Variants in KANK1 observed in about 807,000 individuals in gnomAD.
KANK1 encodes KN motif and ankyrin repeat domains 1, also known as KN motif and ankyrin repeat domain-containing protein 1.
A neutral mutation model predicts 106.2 loss-of-function variants in KANK1; 109 were observed. That is an observed-to-expected ratio of 1.03 (90% CI 0.88 to 1.20). KANK1 has a LOEUF of 1.20. KANK1 is among the 50% of genes most tolerant of loss of function. KANK1 has a pLI of 0.00. For synonymous variants in KANK1, 873 were observed against 652.2 expected (o/e 1.34, Z -5.16); for missense variants, 2,399 against 1,710.7 (o/e 1.40, Z -7.10).
chr9:690,523 G>T (rs1281463801), intron 2 of KANK1, among the ~76,000 whole-genome samples: 2 of 152,002 alleles, frequency 1.3e-5, no homozygotes, highest in Admixed American at 6.6e-5. Context: ...TATGTATAAG[G>T]CACCTGCAGC....
At position 742,457 on chromosome 9, in the gene KANK1, G is replaced by A. The variant is rs148917197; in HGVS notation, c.3897+52G>A. On this transcript the variant is annotated intron_variant, in intron 10 of 11. Transcript: ENST00000382297. ...GCCAGGGGTCTGGGGGACTCTGGAC[G>A]GGAGCTCTGGGAGTGCCTTTTGGCC... The A allele has an allele frequency of 7.0e-4, 989 of 1,412,856 alleles. 3 individuals carry two copies. Among genetic ancestry groups the A allele is most frequent in the African/African-American group, 1.5e-3 (107 of 70,490 alleles). 87.5% of individuals were successfully genotyped at this position (1,412,856 alleles called of 1,614,324 possible). A position where few individuals can be genotyped will look rare whatever the true frequency, so the allele number is the denominator to read the frequency against.
At chr9:511,883 G>A (rs1413777588) in intron 1 of KANK1, among the ~76,000 whole-genome samples, 6 of 152,080 alleles carry the variant, frequency 3.9e-5, no homozygotes, top group Admixed American at 3.9e-4. Flanking sequence ...GTTTTATGGT[G>A]TTTTGGATTC....
At chr9:743,493 T>G (rs570727324) in intron 10 of KANK1, among the ~76,000 whole-genome samples, 1 of 152,300 alleles carries the variant, frequency 6.6e-6, no homozygotes, top group East Asian at 1.9e-4. Context: ...TCAAAGCTTT[T>G]GAGGGGAAGG....
chr9:619,202 T>A lies in KANK1; in HGVS notation c.-83-57688T>A, dbSNP rs1212810216. 2.0e-5 allele frequency among the ~76,000 whole-genome samples: 3 copies of A among 152,324 alleles called. No individual in the cohort carries two copies. The East Asian group carries it at 5.8e-4, about 29-fold the overall frequency. On this transcript the variant is annotated intron_variant, in intron 1 of 11. Coordinates refer to ENST00000382297, the MANE Select transcript of KANK1 (RefSeq NM_015158.5). Reference sequence around the variant, plus strand: ...TAAAAGGAACAGGGGAGAGCTACAGTGCTTTTGAATTTCAGAGAGGCCTCT... The same window carrying A: ...TAAAAGGAACAGGGGAGAGCTACAGAGCTTTTGAATTTCAGAGAGGCCTCT...
At chr9:645,083 C>G (rs1346847141) in intron 1 of KANK1, among the ~76,000 whole-genome samples, 2 of 136,422 alleles carry the variant, frequency 1.5e-5, no homozygotes, top group African/African-American at 6.0e-5. Context: ...GAGATCACAC[C>G]ACTGCACTCC....
chr9:590,407 C>T (rs1824556001), intron 1 of KANK1, among the ~76,000 whole-genome samples: 1 of 152,098 alleles, frequency 6.6e-6, no homozygotes, highest in African/African-American at 2.4e-5. Context: ...TACGCTGCCT[C>T]CTCTCCATTT....
At chr9:507,228 A>T (rs1447491726) in intron 1 of KANK1, among the ~76,000 whole-genome samples, 1 of 150,980 alleles carries the variant, frequency 6.6e-6, no homozygotes, top group African/African-American at 2.4e-5. Context: ...TGGCACATGC[A>T]CCTGTAGTCC....
chr9:666,242 T>C (rs1356677785), intron 1 of KANK1, among the ~76,000 whole-genome samples: 1 of 152,308 alleles, frequency 6.6e-6, no homozygotes, highest in Non-Finnish European at 1.5e-5. Flanking sequence ...TAAATTAGAT[T>C]ACTTTCTTTC....
intron 1 of KANK1, among the ~76,000 whole-genome samples, chr9:552,463 C>T (rs959797871): frequency 6.6e-6 from 1 of 152,182 alleles, no homozygotes; most frequent in African/African-American, 2.4e-5. Context: ...CAACCTGGCA[C>T]ATGTCTAGAA....
chr9:535,291 C>A (rs1259619799), intron 1 of KANK1, among the ~76,000 whole-genome samples: 1 of 152,132 alleles, frequency 6.6e-6, no homozygotes, highest in African/African-American at 2.4e-5. Context: ...TGAGGATCCC[C>A]TACATTTGCA....
At chr9:662,272 G>C (rs558683020) in intron 1 of KANK1, among the ~76,000 whole-genome samples, 175 of 152,244 alleles carry the variant, frequency 1.1e-3, no homozygotes, top group African/African-American at 4.1e-3. Context: ...TATAGGTTCA[G>C]TGCCATCCCC....
chr9:628,052 A>C (rs1349610897), intron 1 of KANK1, among the ~76,000 whole-genome samples: 1 of 151,968 alleles, frequency 6.6e-6, no homozygotes, highest in East Asian at 1.9e-4. Context: ...TTTACAGTAT[A>C]TAAAACACTT....
chr9:524,358 CT>C (rs1275759053), intron 1 of KANK1, among the ~76,000 whole-genome samples: 1 of 111,466 alleles, frequency 9.0e-6, no homozygotes, highest in Non-Finnish European at 1.7e-5. Flanking sequence ...TTTCAAGTAA[CT>C]TTTTGGAGTG....
At chr9:735,261 C>T (rs1833460735) in intron 7 of KANK1, among the ~76,000 whole-genome samples, 1 of 152,114 alleles carries the variant, frequency 6.6e-6, no homozygotes, top group African/African-American at 2.4e-5. Flanking sequence ...GCATTCCTTT[C>T]AGTTATGAAA....
intron 1 of KANK1, among the ~76,000 whole-genome samples, chr9:672,883 T>C (rs1025274748): frequency 6.6e-6 from 1 of 152,188 alleles, no homozygotes; most frequent in Non-Finnish European, 1.5e-5. Context: ...CTAAATCGTT[T>C]CGCAGGAGTG....
intron 1 of KANK1, among the ~76,000 whole-genome samples, chr9:659,792 C>T (rs1329760795): frequency 2.6e-5 from 4 of 152,034 alleles, no homozygotes; most frequent in Admixed American, 2.6e-4. Flanking sequence ...CCAGGCCCCT[C>T]TTCCAGCACG....
At chr9:658,252 C>T (rs1451984543) in intron 1 of KANK1, among the ~76,000 whole-genome samples, 1 of 151,994 alleles carries the variant, frequency 6.6e-6, no homozygotes, top group Non-Finnish European at 1.5e-5. Context: ...AAAATAAGAT[C>T]ATTTATTTTA....
chr9:598,355 C>G (rs935171386), intron 1 of KANK1, among the ~76,000 whole-genome samples: 5 of 151,472 alleles, frequency 3.3e-5, no homozygotes, highest in African/African-American at 9.8e-5. Context: ...TCCCTTTCAG[C>G]TTCATACGAA....
intron 1 of KANK1, among the ~76,000 whole-genome samples, chr9:515,274 G>T (rs2059229502): frequency 1.3e-5 from 2 of 151,158 alleles, no homozygotes; most frequent in South Asian, 4.2e-4. Context: ...GAACCCAGGA[G>T]GCGGAGCTTG....
Sources: allele counts gnomAD v4.1 joint callset (sites outside exome capture counted in the v4.1 genomes callset), GRCh38; gene constraint gnomAD v4.1.1; transcripts MANE v1.5; gene names NCBI Gene and HGNC (gene_info 2026-07-23, HGNC 2026-07-21).